The following FAM228A variants were observed in gnomAD, a reference collection of about 807,000 sequenced individuals.
The protein encoded by FAM228A is family with sequence similarity 228 member A, also known as protein FAM228A.
FAM228A carries 13 observed loss-of-function variants against 18.6 expected under a neutral mutation model. That is an observed-to-expected ratio of 0.70 (90% CI 0.45 to 1.11). The LOEUF is 1.11. Among genes scored for constraint, FAM228A ranks in the 50% least tolerant of loss-of-function variants. The probability of loss-of-function intolerance (pLI) is 0.00; values close to 1 mark genes in which losing one functional copy is unlikely to be tolerated. For synonymous variants in FAM228A, 77 were observed against 86.6 expected, an observed-to-expected ratio of 0.89 and a Z score of 0.61; for missense variants, 240 against 242.2, an observed-to-expected ratio of 0.99 and a Z score of 0.06.
At chr2:24,187,680 C>G (rs768860419) in intron 5 of FAM228A, among the ~76,000 whole-genome samples, 1 of 152,198 alleles carries the variant, frequency 6.6e-6, no homozygotes, top group Admixed American at 6.5e-5. Flanking sequence ...TGGAATCATA[C>G]AACATTTAGC....
intron 3 of FAM228A, 145 bp downstream of exon 3, chr2:24,178,015 A>G (rs1667731441): frequency 1.8e-6 from 1 of 564,942 alleles, no homozygotes; most frequent in Non-Finnish European, 3.1e-6. Flanking sequence ...ACTTGTTTGT[A>G]CTACATGCAT....
Position 24,190,675 on chromosome 2 carries a change from G to C in FAM228A, c.*44G>C, listed in dbSNP as rs371279796. On this transcript the variant is annotated 3_prime_UTR_variant, in exon 6 of 6. Transcript: ENST00000295150. ...CCTGTCAGACAGGCACCCAAGGGCG[G>C]AGGAGGCATGGCCCAAGAAGAAGGG... The C allele has an allele frequency of 6.7e-7, 1 of 1,502,636 alleles. No individual in the cohort carries two copies. The highest frequency in any genetic ancestry group is 1.4e-5 in the South Asian group (1 of 72,454). 93.1% of individuals were successfully genotyped at this position (1,502,636 alleles called of 1,614,324 possible).
In FAM228A at chr2:24,190,929, C is replaced by A; in HGVS notation, c.*298C>A. On this transcript the variant is annotated 3_prime_UTR_variant, in exon 6 of 6. Coordinates refer to ENST00000295150, the MANE Select transcript of FAM228A (RefSeq NM_001040710.3). ...CAGCGCCTTCGCCCGGGCCTTTGCC[C>A]TTCTGCCACTTTCCTACCATTTTCC... The A allele has an allele frequency of 9.1e-7, 1 of 1,102,076 alleles. No individual in the cohort carries two copies. Among genetic ancestry groups the A allele is most frequent in the Non-Finnish European group, 1.1e-6 (1 of 904,860 alleles). The allele number at this position is 1,102,076 out of a possible 1,614,324, so 68.3% of individuals were successfully genotyped here. A position where few individuals can be genotyped will look rare whatever the true frequency, so the allele number is the denominator to read the frequency against.
chr2:24,184,706 C>T (rs554748832), intron 5 of FAM228A, among the ~76,000 whole-genome samples: 30 of 152,174 alleles, frequency 2.0e-4, no homozygotes, highest in South Asian at 1.0e-3. Flanking sequence ...GTCTGAGTCT[C>T]GCTCTGTCGT....
chr2:24,186,572 A>G (rs1405721621), intron 5 of FAM228A, among the ~76,000 whole-genome samples: 1 of 151,928 alleles, frequency 6.6e-6, no homozygotes. Flanking sequence ...ATTTTGACAT[A>G]TATTAATTTT....
intron 2 of FAM228A, among the ~76,000 whole-genome samples, chr2:24,176,854 T>G (rs913942508): frequency 6.6e-6 from 1 of 152,230 alleles, no homozygotes; most frequent in African/African-American, 2.4e-5. Flanking sequence ...GATACTGGAT[T>G]TTCATTGCCT....
chr2:24,186,036 A>AT (rs1314609067), intron 5 of FAM228A, among the ~76,000 whole-genome samples: 2 of 151,854 alleles, frequency 1.3e-5, no homozygotes, highest in Non-Finnish European at 2.9e-5. Flanking sequence ...TATTCTTTTT[A>AT]TTTTTTTGAG....
chr2:24,184,983 C>A (rs1667909849), intron 5 of FAM228A, among the ~76,000 whole-genome samples: 1 of 152,012 alleles, frequency 6.6e-6, no homozygotes, highest in South Asian at 2.1e-4. Context: ...CCACCACACC[C>A]AGCTGATTTT....
At chr2:24,177,916 C>T (rs745450942) in intron 3 of FAM228A, 46 bp downstream of exon 3, 13 of 1,236,656 alleles carry the variant, frequency 1.1e-5, no homozygotes, top group Non-Finnish European at 1.5e-5. Flanking sequence ...TCTAGGGGAG[C>T]AAGAGTGTGC....
chr2:24,190,482 G>T lies in FAM228A; in HGVS notation c.472G>T (p.Ala158Ser), dbSNP rs1227744586. ...GAAAAAGACGGCCGACCTAAGTCAG[G>T]CTGCGTTTGAAAGGCAGTTCCTTTC... ...KEKKTADLSQ[A>S]AFERQFLSSK... Residue 158 changes from alanine to serine, a missense_variant, in exon 6 of 6, where the codon GCT (alanine) becomes TCT (serine). Transcript: ENST00000295150. 1 of 1,614,204 alleles carries T rather than the reference G, an allele frequency of 6.2e-7. No individual in the cohort carries two copies. Among genetic ancestry groups the T allele is most frequent in the Non-Finnish European group, 8.5e-7 (1 of 1,180,042 alleles).
chr2:24,188,741 T>C, intron 5 of FAM228A: 1 of 754,628 alleles, frequency 1.3e-6, no homozygotes, highest in Non-Finnish European at 1.6e-6. Context: ...TCTGGAATTC[T>C]TTTTAAAGCT....
rs948250537 is a variant in FAM228A, at chr2:24,190,858, G to T, written c.*227G>T. ...TCCGGAGACATCCTGTCCTTCCGAG[G>T]TGAGGGCCAACCTGGCCACAGGGGC... is the stretch of plus-strand genomic sequence containing the variant. On this transcript the variant is annotated 3_prime_UTR_variant, in exon 6 of 6. Coordinates refer to ENST00000295150, the MANE Select transcript of FAM228A (RefSeq NM_001040710.3). 1.6e-6 allele frequency: 2 copies of T among 1,234,912 alleles called. No homozygotes were observed. The highest frequency in any genetic ancestry group is 6.6e-5 in the East Asian group (2 of 30,330). 76.5% of individuals were successfully genotyped at this position (1,234,912 alleles called of 1,614,324 possible). A position where few individuals can be genotyped will look rare whatever the true frequency, so the allele number is the denominator to read the frequency against.
intron 3 of FAM228A, among the ~76,000 whole-genome samples, chr2:24,182,008 C>T (rs1356592557): frequency 1.3e-5 from 2 of 152,124 alleles, no homozygotes; most frequent in Non-Finnish European, 2.9e-5. Context: ...ACAGCTTGTG[C>T]AGTGGAGCGT....
chr2:24,185,788 A>G (rs1667933931), intron 5 of FAM228A, among the ~76,000 whole-genome samples: 2 of 152,342 alleles, frequency 1.3e-5, no homozygotes, highest in South Asian at 4.1e-4. Flanking sequence ...ACTCAGCCCC[A>G]AATGTCAGTA....
intron 3 of FAM228A, among the ~76,000 whole-genome samples, chr2:24,181,305 C>T (rs1297160766): frequency 6.6e-6 from 1 of 152,028 alleles, no homozygotes; most frequent in East Asian, 1.9e-4. Context: ...GTGATTTTTC[C>T]CTTAAGTATA....
In FAM228A at chr2:24,190,744, C is replaced by T. The variant is rs1668064325; in HGVS notation, c.*113C>T. 4 of 1,385,528 alleles carry T rather than the reference C, an allele frequency of 2.9e-6. No individual in the cohort carries two copies. Among genetic ancestry groups the T allele is most frequent in the Non-Finnish European group, 3.8e-6 (4 of 1,065,546 alleles). The allele number at this position is 1,385,528 out of a possible 1,614,324, so 85.8% of individuals were successfully genotyped here. A position where few individuals can be genotyped will look rare whatever the true frequency, so the allele number is the denominator to read the frequency against. On this transcript the variant is annotated 3_prime_UTR_variant, in exon 6 of 6. Transcript: ENST00000295150. ...GAAATGGCGGTGGCCTCAGGCTCAG[C>T]ACTGCAGCTCTGACAGGGCCCCTCG...
intron 2 of FAM228A, chr2:24,175,995 C>T (rs1667681275): frequency 2.0e-6 from 2 of 999,088 alleles, no homozygotes; most frequent in Admixed American, 5.9e-5. Flanking sequence ...GCGGTCGGAG[C>T]AGTGAGATGC....
Position 24,190,608 on chromosome 2 carries a change from C to A in FAM228A, c.598C>A (p.Gln200Lys), listed in dbSNP as rs747357859. Residue 200 changes from glutamine to lysine, a missense_variant, in exon 6 of 6, where the codon CAG (glutamine) becomes AAG (lysine). Transcript: ENST00000295150. ...TGCAGGGCTTTGCAGCACCCACGAG[C>A]AGCACATACTGGTTCCAGAATGAGC... Reference protein sequence around the residue: ...WHAGLCSTHEQHILVPE With the variant: ...WHAGLCSTHEKHILVPE 2.5e-6 allele frequency: 4 copies of A among 1,586,030 alleles called. No homozygotes were observed. The highest frequency in any genetic ancestry group is 4.5e-5 in the East Asian group (2 of 44,662).
chr2:24,190,748 G>A lies in FAM228A; in HGVS notation c.*117G>A, dbSNP rs1326243517. The A allele has an allele frequency of 8.0e-6, 11 of 1,382,834 alleles. No homozygotes were observed. The highest frequency in any genetic ancestry group is 1.0e-5 in the Non-Finnish European group (11 of 1,064,238). The allele number at this position is 1,382,834 out of a possible 1,614,324, so 85.7% of individuals were successfully genotyped here. On this transcript the variant is annotated 3_prime_UTR_variant, in exon 6 of 6. Transcript: ENST00000295150. Reference sequence around the variant, plus strand: ...TGGCGGTGGCCTCAGGCTCAGCACTGCAGCTCTGACAGGGCCCCTCGGGCG... The same window carrying A: ...TGGCGGTGGCCTCAGGCTCAGCACTACAGCTCTGACAGGGCCCCTCGGGCG...
Sources: gnomAD v4.1 joint callset for allele counts (sites outside exome capture counted in the v4.1 genomes callset) on GRCh38, gnomAD v4.1.1 for gene constraint, MANE v1.5 for transcripts, NCBI Gene and HGNC (gene_info 2026-07-23, HGNC 2026-07-21) for gene names.